SSH2: variants seen among roughly 807,000 people sequenced by gnomAD.
SSH2 encodes the protein protein phosphatase Slingshot homolog 2.
SSH2 carries 37 observed loss-of-function variants against 135.2 expected under a neutral mutation model. The ratio of observed to expected loss-of-function variants is 0.27; its 90% CI spans 0.21 to 0.36. The LOEUF is 0.36. SSH2 is among the 10% of genes least tolerant of loss of function. The pLI, the probability that SSH2 is intolerant of heterozygous loss-of-function variation, is 1.00. For synonymous variants in SSH2, 628 were observed against 646.2 expected, an observed-to-expected ratio of 0.97 and a Z score of 0.43; for missense variants, 1,408 against 1,765.3, an observed-to-expected ratio of 0.80 and a Z score of 3.63.
chr17:29,680,551 C>CAAAAAAAAAAAA lies in SSH2; in HGVS notation c.480-2822_480-2811dup, dbSNP rs1160865828. On this transcript the variant is annotated intron_variant, in intron 6 of 15. Transcript: ENST00000540801. Reference sequence around the variant, plus strand: ...TGGGAGACACAGCAAGACTCCCTCTCAAAAAAAAAAAAAAAAAAAAAAAAA... The same window carrying CAAAAAAAAAAAA: ...TGGGAGACACAGCAAGACTCCCTCTCAAAAAAAAAAAAAAAAAAAAAAAAAAAAAAAAAAAAA... Among the ~76,000 whole-genome samples the CAAAAAAAAAAAA allele has an allele frequency of 1.9e-3, 41 of 21,542 alleles. 12 individuals carry two copies. The highest frequency in any genetic ancestry group is 2.2e-3 in the Admixed American group (2 of 924). The allele number at this position is 21,542 out of a possible 152,430, so 14.1% of individuals were successfully genotyped here.
chr17:29,860,457 T>C (rs2151405165), intron 1 of SSH2, among the ~76,000 whole-genome samples: 1 of 150,306 alleles, frequency 6.7e-6, no homozygotes, highest in African/African-American at 2.4e-5. Context: ...TTTTTTTTTT[T>C]TGAGACAGAG....
At chr17:29,790,109 G>T (rs1257108385) in intron 3 of SSH2, among the ~76,000 whole-genome samples, 5 of 152,130 alleles carry the variant, frequency 3.3e-5, no homozygotes, top group African/African-American at 1.2e-4. Context: ...AATATATTTT[G>T]TGTATGAGAA....
intron 12 of SSH2, among the ~76,000 whole-genome samples, chr17:29,653,256 AG>A (rs1339156870): frequency 6.6e-6 from 1 of 152,218 alleles, no homozygotes; most frequent in African/African-American, 2.4e-5. Context: ...AGTCATCTAT[AG>A]GCAGCACTAT....
chr17:29,769,719 T>C (rs924054124), intron 3 of SSH2, among the ~76,000 whole-genome samples: 14 of 152,118 alleles, frequency 9.2e-5, no homozygotes, highest in Admixed American at 9.2e-4. Flanking sequence ...CAGACTAACA[T>C]TGAGTTGATA....
intron 2 of SSH2, among the ~76,000 whole-genome samples, chr17:29,837,048 G>C (rs2042954447): frequency 6.6e-6 from 1 of 152,142 alleles, no homozygotes; most frequent in African/African-American, 2.4e-5. Flanking sequence ...CTTGAGGTCA[G>C]GAGTTCAAGA....
chr17:29,661,502 GTGA>G (rs1380050620), intron 11 of SSH2, among the ~76,000 whole-genome samples: 1 of 152,174 alleles, frequency 6.6e-6, no homozygotes, highest in Admixed American at 6.6e-5. Context: ...AAGGTCAGTG[GTGA>G]TGTACAGGCA....
chr17:29,770,604 C>T lies in SSH2; in HGVS notation c.188+23290G>A, dbSNP rs572686067. Among the ~76,000 whole-genome samples the T allele has an allele frequency of 2.0e-5, 3 of 152,136 alleles. No homozygotes were observed. In the South Asian group the frequency reaches 6.2e-4, roughly 32 times the overall value. ...TCTCATACCTCAGCCTCCTGAGTAG[C>T]TGGGACTACAGGTGTGCACCACCAC... On this transcript the variant is annotated intron_variant, in intron 3 of 15. Coordinates refer to ENST00000540801, the MANE Select transcript of SSH2 (RefSeq NM_001282129.2).
At chr17:29,649,164 T>C (rs2036496110) in intron 13 of SSH2, among the ~76,000 whole-genome samples, 1 of 151,464 alleles carries the variant, frequency 6.6e-6, no homozygotes, top group East Asian at 1.9e-4. Context: ...ATCAGGGTCC[T>C]GATTAGGATG....
chr17:29,834,492 T>G (rs1599064368), intron 2 of SSH2, among the ~76,000 whole-genome samples: 1 of 152,132 alleles, frequency 6.6e-6, no homozygotes, highest in African/African-American at 2.4e-5. Context: ...ACATTATGTA[T>G]TATAGAAAAT....
At chr17:29,806,612 G>A (rs142098050) in intron 2 of SSH2, among the ~76,000 whole-genome samples, 1 of 152,312 alleles carries the variant, frequency 6.6e-6, no homozygotes, top group East Asian at 1.9e-4. Flanking sequence ...ACTGCCTGGA[G>A]CCCCTCTGAG....
intron 14 of SSH2, among the ~76,000 whole-genome samples, chr17:29,640,408 A>C (rs1453796636): frequency 6.6e-6 from 1 of 152,206 alleles, no homozygotes; most frequent in East Asian, 1.9e-4. Flanking sequence ...CTGCCTGCAG[A>C]TCACTAATCA....
intron 14 of SSH2, among the ~76,000 whole-genome samples, chr17:29,640,177 C>A (rs2036092805): frequency 6.6e-6 from 1 of 151,672 alleles, no homozygotes; most frequent in Non-Finnish European, 1.5e-5. Context: ...TTCCCGGGTT[C>A]ACGCCATTCT....
intron 1 of SSH2, among the ~76,000 whole-genome samples, chr17:29,884,281 GA>G (rs2066192858): frequency 6.6e-6 from 1 of 152,164 alleles, no homozygotes; most frequent in Admixed American, 6.5e-5. Context: ...GCATTTGACA[GA>G]ATTGGACCAT....
At chr17:29,656,523 A>G (rs1236959237) in intron 11 of SSH2, among the ~76,000 whole-genome samples, 4 of 152,176 alleles carry the variant, frequency 2.6e-5, no homozygotes, top group African/African-American at 9.7e-5. Context: ...GAGTTAAAGG[A>G]CAGAACTTGT....
At chr17:29,707,332 G>C (rs1035083591) in intron 3 of SSH2, among the ~76,000 whole-genome samples, 3 of 152,122 alleles carry the variant, frequency 2.0e-5, no homozygotes, top group Non-Finnish European at 4.4e-5. Flanking sequence ...AGCTGGACAA[G>C]GGCTGTTGGT....
intron 1 of SSH2, among the ~76,000 whole-genome samples, chr17:29,905,585 C>T (rs890316495): frequency 3.9e-5 from 6 of 152,230 alleles, no homozygotes; most frequent in Non-Finnish European, 7.3e-5. Context: ...CTTCTCCCTG[C>T]TGTCCACAAC....
intron 1 of SSH2, among the ~76,000 whole-genome samples, chr17:29,898,434 A>G (rs938885449): frequency 6.6e-6 from 1 of 152,020 alleles, no homozygotes; most frequent in Non-Finnish European, 1.5e-5. Context: ...ACAATAAAAA[A>G]TGATAAAGGG....
At chr17:29,787,145 C>CTCCA (rs2041981982) in intron 3 of SSH2, among the ~76,000 whole-genome samples, 1 of 152,212 alleles carries the variant, frequency 6.6e-6, no homozygotes, top group South Asian at 2.1e-4. Flanking sequence ...TAACTTCCCA[C>CTCCA]TCCATCCATC....
intron 3 of SSH2, chr17:29,716,590 G>T: frequency 1.4e-6 from 1 of 702,426 alleles, no homozygotes; most frequent in Non-Finnish European, 2.6e-6. Context: ...CTTTCTTATA[G>T]ATTCGCATAT....
Sources: gnomAD v4.1 joint callset for allele counts (sites outside exome capture counted in the v4.1 genomes callset) on GRCh38, gnomAD v4.1.1 for gene constraint, MANE v1.5 for transcripts, NCBI Gene and HGNC (gene_info 2026-07-23, HGNC 2026-07-21) for gene names.